AP3S1: variants seen among roughly 807,000 people sequenced by gnomAD.
AP3S1 encodes AP-3 complex subunit sigma-1.
A neutral mutation model predicts 21.3 loss-of-function variants in AP3S1; 12 were observed. That is an observed-to-expected ratio of 0.56 (90% CI 0.36 to 0.91). The LOEUF is 0.91. Ranked by LOEUF, AP3S1 falls within the 40% of genes least tolerant of loss-of-function variation. AP3S1 has a pLI of 0.01. For missense variants in AP3S1, 116 were observed against 225.0 expected (o/e 0.52, Z 3.10); for synonymous variants, 48 against 78.4 (o/e 0.61, Z 2.05).
chr5:115,875,056 T>A (rs1748581170), intron 3 of AP3S1, among the ~76,000 whole-genome samples: 1 of 152,186 alleles, frequency 6.6e-6, no homozygotes, highest in Admixed American at 6.6e-5. Flanking sequence ...TCAGTGGTTT[T>A]TAGCTAACAT....
intron 3 of AP3S1, among the ~76,000 whole-genome samples, chr5:115,879,661 C>G (rs914162644): frequency 6.6e-6 from 1 of 151,908 alleles, no homozygotes; most frequent in African/African-American, 2.4e-5. Flanking sequence ...AAAATTCTCT[C>G]TTTTTTCTTG....
At chr5:115,882,629 T>G (rs958064795) in intron 3 of AP3S1, among the ~76,000 whole-genome samples, 9 of 152,122 alleles carry the variant, frequency 5.9e-5, no homozygotes, top group Non-Finnish European at 1.3e-4. Flanking sequence ...GTATGAGATG[T>G]CTGTTGACCC....
intron 4 of AP3S1, among the ~76,000 whole-genome samples, chr5:115,897,964 G>A (rs1242807366): frequency 6.6e-6 from 1 of 152,168 alleles, no homozygotes; most frequent in Non-Finnish European, 1.5e-5. Context: ...AAGTTGTAGA[G>A]AATATCCCTT....
intron 3 of AP3S1, among the ~76,000 whole-genome samples, chr5:115,875,105 A>G (rs1748585170): frequency 6.6e-6 from 1 of 152,194 alleles, no homozygotes. Context: ...GGCATATAAA[A>G]TATTATTTTG....
chr5:115,859,098 A>T (rs1227301873), intron 1 of AP3S1, among the ~76,000 whole-genome samples: 3 of 152,090 alleles, frequency 2.0e-5, no homozygotes, highest in African/African-American at 7.2e-5. Flanking sequence ...GCTCCTTTCT[A>T]AGGATAGGGT....
rs968143414 is a variant in AP3S1, at chr5:115,910,621, G to A, written c.454-2741G>A. Among the ~76,000 whole-genome samples, 16 of 152,142 alleles carry A rather than the reference G, an allele frequency of 1.1e-4. No individual in the cohort carries two copies. The South Asian group carries it at 2.5e-3, about 24-fold the overall frequency. ...TTTATGTTTTAATAAAAATGTTTCA[G>A]GCATCACTTTCATGAATGTCTGAAA... is the stretch of plus-strand genomic sequence containing the variant. On this transcript the variant is annotated intron_variant, in intron 5 of 5. Transcript: ENST00000316788.
intron 5 of AP3S1, among the ~76,000 whole-genome samples, chr5:115,904,680 TA>T (rs1751492280): frequency 6.6e-6 from 1 of 152,212 alleles, no homozygotes; most frequent in East Asian, 1.9e-4. Context: ...AAAAGACTCA[TA>T]ATTTAATTTA....
intron 4 of AP3S1, among the ~76,000 whole-genome samples, chr5:115,897,927 G>A (rs1237034449): frequency 3.3e-5 from 5 of 152,004 alleles, no homozygotes; most frequent in Non-Finnish European, 1.5e-5. Context: ...ACTGCTTCTG[G>A]GTCACAACTG....
intron 4 of AP3S1, chr5:115,898,789 G>A (rs552243379): frequency 1.3e-5 from 2 of 152,302 alleles, no homozygotes; most frequent in Middle Eastern, 6.8e-3. Flanking sequence ...ATACAGCTAA[G>A]GTATGCTGTG....
chr5:115,890,063 G>T (rs187475941), intron 3 of AP3S1, among the ~76,000 whole-genome samples: 23 of 150,858 alleles, frequency 1.5e-4, no homozygotes, highest in African/African-American at 5.6e-4. Flanking sequence ...GTCTAAGTGC[G>T]TATAATCGTT....
intron 4 of AP3S1, among the ~76,000 whole-genome samples, chr5:115,901,326 T>G (rs1205011633): frequency 1.3e-5 from 2 of 151,386 alleles, no homozygotes; most frequent in Non-Finnish European, 2.9e-5. Flanking sequence ...GGATGCAGAG[T>G]GTGGTAGAGA....
intron 1 of AP3S1, among the ~76,000 whole-genome samples, chr5:115,852,153 C>T (rs1344191549): frequency 6.6e-6 from 1 of 152,176 alleles, no homozygotes; most frequent in South Asian, 2.1e-4. Flanking sequence ...CTCAAATACT[C>T]TTTGTGTTTT....
intron 3 of AP3S1, among the ~76,000 whole-genome samples, chr5:115,872,854 A>G (rs1396420970): frequency 3.9e-5 from 6 of 152,196 alleles, no homozygotes; most frequent in Non-Finnish European, 5.9e-5. Context: ...TCAAGAGAGC[A>G]TTATATTTTT....
At chr5:115,853,513 G>A (rs1488822103) in intron 1 of AP3S1, among the ~76,000 whole-genome samples, 5 of 151,906 alleles carry the variant, frequency 3.3e-5, no homozygotes, top group South Asian at 2.1e-4. Context: ...TGAGCTTTTG[G>A]TATCCTATCT....
chr5:115,845,828 C>T (rs1445515616), intron 1 of AP3S1, among the ~76,000 whole-genome samples: 2 of 87,846 alleles, frequency 2.3e-5, no homozygotes, highest in East Asian at 7.0e-4. Context: ...CAGAGTGAGA[C>T]TCCATCTCAA....
intron 3 of AP3S1, among the ~76,000 whole-genome samples, chr5:115,878,823 C>A (rs780212453): frequency 6.6e-6 from 1 of 152,148 alleles, no homozygotes; most frequent in Non-Finnish European, 1.5e-5. Flanking sequence ...TTCTTCCTAT[C>A]CATGAGCATG....
At chr5:115,884,814 A>G (rs1580700977) in intron 3 of AP3S1, among the ~76,000 whole-genome samples, 1 of 152,212 alleles carries the variant, frequency 6.6e-6, no homozygotes, top group Non-Finnish European at 1.5e-5. Flanking sequence ...CTAGTAAGGC[A>G]ACCATTTTTT....
At chr5:115,872,462 G>A in intron 3 of AP3S1, among the ~76,000 whole-genome samples, 1 of 152,080 alleles carries the variant, frequency 6.6e-6, no homozygotes. Context: ...CCTGGTATAT[G>A]TTTCTTCTTT....
intron 1 of AP3S1, among the ~76,000 whole-genome samples, chr5:115,865,328 G>A (rs1284506504): frequency 6.6e-6 from 1 of 152,128 alleles, no homozygotes; most frequent in Non-Finnish European, 1.5e-5. Context: ...AAAAAGTGTA[G>A]TGGAGTTAAC....
Sources: allele counts gnomAD v4.1 joint callset (sites outside exome capture counted in the v4.1 genomes callset), GRCh38; gene constraint gnomAD v4.1.1; transcripts MANE v1.5; gene names NCBI Gene and HGNC (gene_info 2026-07-23, HGNC 2026-07-21).